The following MYO1E variants were observed in gnomAD, a reference collection of about 807,000 sequenced individuals.
The protein encoded by MYO1E is myosin IE.
A neutral mutation model predicts 151.1 loss-of-function variants in MYO1E; 68 were observed. That is an observed-to-expected ratio of 0.45 (90% CI 0.37 to 0.55). The LOEUF (loss-of-function observed/expected upper bound fraction) is 0.55. Among genes scored for constraint, MYO1E ranks in the 20% least tolerant of loss-of-function variants. The pLI is 0.00. For missense variants in MYO1E, 1,363 were observed against 1,389.3 expected, an observed-to-expected ratio of 0.98 and a Z score of 0.30; for synonymous variants, 601 against 501.7, an observed-to-expected ratio of 1.20 and a Z score of -2.64.
chr15:59,206,897 C>T (rs781635377), intron 14 of MYO1E: 3 of 1,574,504 alleles, frequency 1.9e-6, no homozygotes, highest in African/African-American at 1.4e-5. Flanking sequence ...TTCGGATCAG[C>T]AGCTTTTTTC....
intron 7 of MYO1E, among the ~76,000 whole-genome samples, chr15:59,225,515 C>T (rs1449266962): frequency 6.6e-6 from 1 of 152,188 alleles, no homozygotes; most frequent in Non-Finnish European, 1.5e-5. Context: ...TCAACTACTT[C>T]CCTGCTGGCT....
At chr15:59,210,927 C>T (rs892949276) in intron 12 of MYO1E, among the ~76,000 whole-genome samples, 3 of 152,076 alleles carry the variant, frequency 2.0e-5, no homozygotes, top group African/African-American at 7.2e-5. Flanking sequence ...TAGGACTGGG[C>T]GCGGTGGCTC....
In MYO1E at chr15:59,261,335, A is replaced by G. The variant is rs1178527825; in HGVS notation, c.237+85T>C. ...TAAAAAATTCATAATAGAAAAGTGC[A>G]AAAGTACTGCTAACTTCAAGAAAAA... On this transcript the variant is annotated intron_variant, in intron 3 of 27. Coordinates refer to ENST00000288235, the MANE Select transcript of MYO1E (RefSeq NM_004998.4). 4.2e-6 allele frequency: 4 copies of G among 949,280 alleles called. No individual in the cohort carries two copies. In the African/African-American group the frequency reaches 4.8e-5, roughly 11 times the overall value. The allele number at this position is 949,280 out of a possible 1,614,324, so 58.8% of individuals were successfully genotyped here. A position where few individuals can be genotyped will look rare whatever the true frequency, so the allele number is the denominator to read the frequency against.
At chr15:59,139,934 C>A (rs563155265) in intron 26 of MYO1E, among the ~76,000 whole-genome samples, 1 of 152,084 alleles carries the variant, frequency 6.6e-6, no homozygotes, top group Admixed American at 6.5e-5. Flanking sequence ...CCTTCCCATT[C>A]TTTCATTATT....
chr15:59,179,137 G>A (rs1388553126), intron 18 of MYO1E, among the ~76,000 whole-genome samples: 1 of 151,892 alleles, frequency 6.6e-6, no homozygotes, highest in Non-Finnish European at 1.5e-5. Flanking sequence ...TTCCTTCCTC[G>A]GCGCCTCTGC....
At chr15:59,198,207 G>C (rs2079779525) in intron 16 of MYO1E, among the ~76,000 whole-genome samples, 1 of 152,218 alleles carries the variant, frequency 6.6e-6, no homozygotes, top group Admixed American at 6.5e-5. Flanking sequence ...TTGTGAAGCA[G>C]TAACTGAATT....
Position 59,277,560 on chromosome 15 carries a change from A to AC in MYO1E, c.4-5112_4-5111insG, listed in dbSNP as rs1365243339. On this transcript the variant is annotated intron_variant, in intron 1 of 27. Coordinates refer to ENST00000288235, the MANE Select transcript of MYO1E (RefSeq NM_004998.4). ...CTCCATCCCCCCACAAAAAAAAAAA[A>AC]AAAAAAAAAAAAACATCAAAGCCTC... is the stretch of plus-strand genomic sequence containing the variant. Among the ~76,000 whole-genome samples the AC allele has an allele frequency of 2.5e-3, 313 of 126,776 alleles. 3 individuals are homozygous for AC. Among genetic ancestry groups the AC allele is most frequent in the Admixed American group, 4.2e-3 (58 of 13,752 alleles). 83.2% of individuals were successfully genotyped at this position (126,776 alleles called of 152,430 possible).
chr15:59,289,822 T>C (rs1481815569), intron 1 of MYO1E, among the ~76,000 whole-genome samples: 4 of 152,212 alleles, frequency 2.6e-5, no homozygotes, highest in Non-Finnish European at 4.4e-5. Flanking sequence ...ATTATGGACA[T>C]GGTTGGGTCA....
intron 1 of MYO1E, among the ~76,000 whole-genome samples, chr15:59,302,496 G>A (rs1335393816): frequency 6.6e-6 from 1 of 152,178 alleles, no homozygotes; most frequent in Non-Finnish European, 1.5e-5. Context: ...CCATGACAAG[G>A]GTGCCACAAT....
chr15:59,206,419 G>A (rs2079834362), intron 14 of MYO1E, among the ~76,000 whole-genome samples: 1 of 152,176 alleles, frequency 6.6e-6, no homozygotes, highest in African/African-American at 2.4e-5. Context: ...TGGCACCAAG[G>A]CAGTGGAATC....
At chr15:59,280,180 T>G (rs2080344980) in intron 1 of MYO1E, among the ~76,000 whole-genome samples, 1 of 152,220 alleles carries the variant, frequency 6.6e-6, no homozygotes, top group South Asian at 2.1e-4. Flanking sequence ...CAGCTTTCTT[T>G]TACTTTCTCT....
rs187418102 is a variant in MYO1E, at chr15:59,164,867, C to G, written c.2481-1564G>C. On this transcript the variant is annotated intron_variant, in intron 22 of 27. Coordinates refer to ENST00000288235, the MANE Select transcript of MYO1E (RefSeq NM_004998.4). ...TTGGTCTGATGTTGAAACTCATTCA[C>G]CAATGTGCTAGTATTAAGAAGTGTG... Among the ~76,000 whole-genome samples the G allele has an allele frequency of 2.6e-4, 40 of 152,246 alleles. 1 individual carries two copies. Among genetic ancestry groups the G allele is most frequent in the Non-Finnish European group, 4.6e-4 (31 of 68,016 alleles).
chr15:59,156,959 A>G (rs2079512780), intron 25 of MYO1E, among the ~76,000 whole-genome samples: 2 of 152,280 alleles, frequency 1.3e-5, no homozygotes, highest in South Asian at 4.1e-4. Context: ...GCAGTGGCTC[A>G]CACTTTCAAT....
chr15:59,312,422 T>A (rs1484738891), intron 1 of MYO1E, among the ~76,000 whole-genome samples: 1 of 152,142 alleles, frequency 6.6e-6, no homozygotes, highest in Non-Finnish European at 1.5e-5. Context: ...AGGGGGACTT[T>A]CCAGGGACAA....
chr15:59,159,599 T>C lies in MYO1E; in HGVS notation c.2786-1220A>G, dbSNP rs2079526793. ...ATAATAATGATTTCCTGCCACTCCC[T>C]TTCCCTGGGTCCCTACTTTGTTCCC... On this transcript the variant is annotated intron_variant, in intron 24 of 27. Coordinates refer to ENST00000288235, the MANE Select transcript of MYO1E (RefSeq NM_004998.4). The surrounding 1 kb of genome is among the most constrained non-coding windows in gnomAD (Gnocchi z 4.4). Among the ~76,000 whole-genome samples, 1 of 152,212 alleles carries C rather than the reference T, an allele frequency of 6.6e-6. No individual in the cohort carries two copies. Among genetic ancestry groups the C allele is most frequent in the South Asian group, 2.1e-4 (1 of 4,832 alleles).
intron 1 of MYO1E, among the ~76,000 whole-genome samples, chr15:59,345,894 T>C (rs1276102878): frequency 6.6e-6 from 1 of 152,246 alleles, no homozygotes; most frequent in Non-Finnish European, 1.5e-5. Flanking sequence ...ACAACAATTC[T>C]GGGGTAGAGG....
At chr15:59,352,623 T>G (rs1174834283) in intron 1 of MYO1E, among the ~76,000 whole-genome samples, 1 of 152,192 alleles carries the variant, frequency 6.6e-6, no homozygotes, top group African/African-American at 2.4e-5. Context: ...CTCATTTTCC[T>G]CATCTGTAAA....
At chr15:59,188,853 G>A (rs923705253) in intron 17 of MYO1E, among the ~76,000 whole-genome samples, 3 of 152,094 alleles carry the variant, frequency 2.0e-5, no homozygotes, top group African/African-American at 7.2e-5. Context: ...CTAAAGGAAA[G>A]AACTTTTAAC....
At chr15:59,179,036 G>A (rs1435511582) in intron 18 of MYO1E, among the ~76,000 whole-genome samples, 2 of 152,208 alleles carry the variant, frequency 1.3e-5, no homozygotes, top group East Asian at 3.9e-4. Context: ...GGATCTGGTC[G>A]TTGGCTGTTC....
Sources: allele counts gnomAD v4.1 joint callset (sites outside exome capture counted in the v4.1 genomes callset), GRCh38; gene constraint gnomAD v4.1.1; non-coding constraint Gnocchi (gnomAD v3.1); transcripts MANE v1.5; gene names NCBI Gene and HGNC (gene_info 2026-07-23, HGNC 2026-07-21).